CHRM5: variants seen among roughly 807,000 people sequenced by gnomAD.
CHRM5 encodes the protein cholinergic receptor muscarinic 5.
In CHRM5, 18 loss-of-function variants were observed where a neutral mutation model predicts 39.0. The observed-to-expected ratio is 0.46, with a 90% CI of 0.32 to 0.68. The LOEUF (loss-of-function observed/expected upper bound fraction) is 0.68, where lower values mean the gene tolerates loss of function less well. Among genes scored for constraint, CHRM5 ranks in the 30% least tolerant of loss-of-function variants. The probability of loss-of-function intolerance (pLI) is 0.04; values close to 1 mark genes in which losing one functional copy is unlikely to be tolerated. For synonymous variants in CHRM5, 241 were observed against 246.3 expected (o/e 0.98, Z 0.20); for missense variants, 515 against 651.1 (o/e 0.79, Z 2.28).
At chr15:34,049,720 G>A (rs150348737) in intron 2 of CHRM5, among the ~76,000 whole-genome samples, 2,656 of 151,890 alleles carry the variant, frequency 0.017, 78 homozygotes, top group African/African-American at 0.061. Flanking sequence ...TCAACCCCAA[G>A]ACACACAATC....
intron 2 of CHRM5, among the ~76,000 whole-genome samples, chr15:34,052,606 T>A (rs1899968286): frequency 6.6e-6 from 1 of 152,246 alleles, no homozygotes; most frequent in South Asian, 2.1e-4. Context: ...CTCCATCATT[T>A]CAGCCTAAAA....
At chr15:34,022,917 G>C (rs1405321731) in intron 1 of CHRM5, among the ~76,000 whole-genome samples, 1 of 152,226 alleles carries the variant, frequency 6.6e-6, no homozygotes, top group East Asian at 1.9e-4. Flanking sequence ...GCCGGGCGCG[G>C]TGGCTCACGC....
intron 1 of CHRM5, among the ~76,000 whole-genome samples, chr15:33,985,108 T>A (rs1896366175): frequency 6.6e-6 from 1 of 152,026 alleles, no homozygotes; most frequent in South Asian, 2.1e-4. Context: ...CTATATCACC[T>A]CACAAGAGAT....
At chr15:34,049,011 C>T (rs1299785255) in intron 2 of CHRM5, among the ~76,000 whole-genome samples, 1 of 152,138 alleles carries the variant, frequency 6.6e-6, no homozygotes, top group African/African-American at 2.4e-5. Context: ...CAGAAAACAA[C>T]AACATCAACA....
At chr15:33,996,698 T>C (rs565879550) in intron 1 of CHRM5, among the ~76,000 whole-genome samples, 1 of 152,330 alleles carries the variant, frequency 6.6e-6, no homozygotes, top group Admixed American at 6.5e-5. Context: ...ACCCCATCTG[T>C]AGGTCACCAG....
chr15:34,011,481 A>C (rs1897635549), intron 1 of CHRM5, among the ~76,000 whole-genome samples: 1 of 152,232 alleles, frequency 6.6e-6, no homozygotes, highest in Admixed American at 6.5e-5. Context: ...AATAATAAAT[A>C]ATTGGGCTCC....
chr15:34,038,876 C>CCGGCCACGGCCA (rs1035895081), intron 1 of CHRM5: 31 of 1,145,332 alleles, frequency 2.7e-5, no homozygotes, highest in Non-Finnish European at 3.2e-5. Flanking sequence ...CGCGGAAGCC[C>CCGGCCACGGCCA]CGGCCACGGC....
At chr15:34,005,416 A>C (rs1203690224) in intron 1 of CHRM5, among the ~76,000 whole-genome samples, 1 of 150,048 alleles carries the variant, frequency 6.7e-6, no homozygotes, top group African/African-American at 2.4e-5. Context: ...TTGCTTCCTC[A>C]TGGTATTATT....
At chr15:34,015,994 C>T (rs1275754834) in intron 1 of CHRM5, among the ~76,000 whole-genome samples, 2 of 152,130 alleles carry the variant, frequency 1.3e-5, no homozygotes, top group African/African-American at 2.4e-5. Flanking sequence ...AACTGGAAAG[C>T]GGCTGGGCGC....
intron 1 of CHRM5, among the ~76,000 whole-genome samples, chr15:34,025,704 G>A (rs747612858): frequency 2.0e-5 from 3 of 151,852 alleles, no homozygotes; most frequent in Admixed American, 2.0e-4. Context: ...CCGCTCAAAG[G>A]TTCAGAAGAA....
At chr15:34,062,573 AAC>A in intron 2 of CHRM5, 68 bp from the exon 3 acceptor site, 3 of 713,594 alleles carry the variant, frequency 4.2e-6, no homozygotes, top group African/African-American at 1.8e-5. Context: ...AAAAAAAAAA[AAC>A]TATAAACAAT....
intron 1 of CHRM5, among the ~76,000 whole-genome samples, chr15:33,983,211 TATACATATATATACACACACATAC>T (rs1896261184): frequency 6.9e-5 from 1 of 14,540 alleles, no homozygotes; most frequent in Non-Finnish European, 1.5e-4. Flanking sequence ...TATATATATA[TATACATATATATACACACACATAC>T]ACACACACAC....
chr15:34,008,932 A>G (rs1897499115), intron 1 of CHRM5, among the ~76,000 whole-genome samples: 1 of 118,202 alleles, frequency 8.5e-6, no homozygotes, highest in Non-Finnish European at 1.8e-5. Flanking sequence ...AAATTAAAAC[A>G]CACACTCACA....
chr15:34,019,231 A>C (rs958977929), intron 1 of CHRM5, among the ~76,000 whole-genome samples: 1 of 152,240 alleles, frequency 6.6e-6, no homozygotes, highest in Admixed American at 6.5e-5. Context: ...TAATGGATGT[A>C]ATTGTTTGTG....
chr15:34,029,877 G>A (rs1030627652), intron 1 of CHRM5, among the ~76,000 whole-genome samples: 3 of 152,046 alleles, frequency 2.0e-5, no homozygotes, highest in Non-Finnish European at 4.4e-5. Context: ...TGTAGTAAAA[G>A]GAAAAAATGA....
At chr15:34,037,249 A>G (rs1036630659) in intron 1 of CHRM5, among the ~76,000 whole-genome samples, 1 of 152,162 alleles carries the variant, frequency 6.6e-6, no homozygotes, top group African/African-American at 2.4e-5. Context: ...ACCATAGTTA[A>G]CACCAAATGT....
chr15:34,007,591 C>T (rs915158316), intron 1 of CHRM5, among the ~76,000 whole-genome samples: 1 of 152,168 alleles, frequency 6.6e-6, no homozygotes, highest in South Asian at 2.1e-4. Flanking sequence ...TAAAATTCTT[C>T]CAGCTTTTAC....
At chr15:34,027,224 T>C (rs2257058) in intron 1 of CHRM5, among the ~76,000 whole-genome samples, 151,109 of 152,282 alleles carry the variant, frequency 0.99, 74,985 homozygotes, top group Middle Eastern at 1. Context: ...GGTCTGCAGT[T>C]GCTTTGAAAA....
At position 34,063,220 on chromosome 15, in the gene CHRM5, G is replaced by C. The variant is rs1409014295; in HGVS notation, c.503G>C (p.Cys168Ser). Residue 168 changes from cysteine (C) to serine (S), a missense_variant, in exon 3 of 3, where the codon TGC becomes TCC. Transcript: ENST00000383263. This position sits in a 1 kb window ranked among gnomAD's most constrained non-coding sequence, Gnocchi z 4.1. ...ATCCTCTGGGCCCCAGCAATCCTCT[G>C]CTGGCAGTACTTGGTTGGGAAGCGG... is the stretch of plus-strand genomic sequence containing the variant. ...SFILWAPAIL[C>S]WQYLVGKRTV... is the part of the protein sequence containing the mutation. The C allele has an allele frequency of 6.2e-7, 1 of 1,614,058 alleles. No individual in the cohort carries two copies. Among genetic ancestry groups the C allele is most frequent in the African/African-American group, 1.3e-5 (1 of 74,922 alleles).
Sources: gnomAD v4.1 joint callset for allele counts (sites outside exome capture counted in the v4.1 genomes callset) on GRCh38, gnomAD v4.1.1 for gene constraint, Gnocchi (gnomAD v3.1) non-coding constraint, MANE v1.5 for transcripts, NCBI Gene and HGNC (gene_info 2026-07-23, HGNC 2026-07-21) for gene names.